Variants in WDR13 observed in about 807,000 individuals in gnomAD.
WDR13 encodes the protein WD repeat-containing protein 13.
Under a neutral mutation model 28.6 loss-of-function variants are expected in WDR13, and 1 was observed. The ratio of observed to expected loss-of-function variants is 0.03; its 90% confidence interval spans 0.01 to 0.17. The LOEUF (loss-of-function observed/expected upper bound fraction) is 0.17, where lower values mean the gene tolerates loss of function less well. Among genes scored for constraint, WDR13 ranks in the 10% least tolerant of loss-of-function variants. WDR13 has a pLI of 1.00. For missense variants in WDR13, 264 were observed against 469.3 expected (o/e 0.56, Z 4.04); for synonymous variants, 201 against 185.9 (o/e 1.08, Z -0.66).
In WDR13 at chrX:48,608,809, A is replaced by T. The variant is rs1281812223; in HGVS notation, c.*3777A>T. On this transcript the variant is annotated 3_prime_UTR_variant, in exon 10 of 10. Coordinates refer to ENST00000376729, the MANE Select transcript of WDR13 (RefSeq NM_001347217.2). Reference sequence around the variant, plus strand: ...ACTCATCTTGGTGGCACTTTTCTTGACTCACCACCTAAGGGGGAATAAATA... The same window carrying T: ...ACTCATCTTGGTGGCACTTTTCTTGTCTCACCACCTAAGGGGGAATAAATA... 4 of 110,686 alleles carry T rather than the reference A, an allele frequency of 3.6e-5. No homozygotes were observed. Among genetic ancestry groups the T allele is most frequent in the African/African-American group, 1.3e-4 (4 of 30,363 alleles). 9.1% of individuals were successfully genotyped at this position (110,686 alleles called of 1,213,427 possible). A position where few individuals can be genotyped will look rare whatever the true frequency, so the allele number is the denominator to read the frequency against.
chrX:48,607,880 T>C lies in WDR13; in HGVS notation c.*2848T>C, dbSNP rs2062230883. 9.3e-6 allele frequency: 1 copy of C among 107,851 alleles called. No homozygotes were observed. Among genetic ancestry groups the C allele is most frequent in the East Asian group, 3.0e-4 (1 of 3,369 alleles). The allele number at this position is 107,851 out of a possible 1,213,427, so 8.9% of individuals were successfully genotyped here. On this transcript the variant is annotated 3_prime_UTR_variant, in exon 10 of 10. Transcript: ENST00000376729. ...GCCTCCTGGGTTCAAGCAATTCTCC[T>C]GCCTCAGCTTCCTGAATAGCTGGGA... is the stretch of plus-strand genomic sequence containing the variant.
Position 48,604,895 on chromosome X carries a change from G to T in WDR13, c.1321G>T (p.Ala441Ser). Residue 441 changes from alanine (A) to serine (S), a missense_variant, in exon 10 of 10, where the codon GCG becomes TCG. Coordinates refer to ENST00000376729, the MANE Select transcript of WDR13 (RefSeq NM_001347217.2). ...MCVHFFDVER[A>S]AKAAVNKLQG... ...CGTGCACTTCTTTGATGTGGAGCGG[G>T]CGGCCAAGGCTGCTGTCAACAAGCT... The T allele has an allele frequency of 8.3e-7, 1 of 1,211,567 alleles. No homozygotes were observed. Among genetic ancestry groups the T allele is most frequent in the Non-Finnish European group, 1.1e-6 (1 of 895,177 alleles).
chrX:48,599,064 C>A, intron 3 of WDR13, 107 bp downstream of exon 3: 1 of 1,064,808 alleles, frequency 9.4e-7, no homozygotes, highest in Non-Finnish European at 1.2e-6. Context: ...TCTGCATCAG[C>A]AGAGGACAAA....
At position 48,599,451 on chromosome X, in the gene WDR13, C is replaced by T. The variant is rs782334744; in HGVS notation, c.381C>T (p.Val127=). 1 of 1,208,914 alleles carries T rather than the reference C, an allele frequency of 8.3e-7. No individual in the cohort carries two copies. Among genetic ancestry groups the T allele is most frequent in the African/African-American group, 1.7e-5 (1 of 57,575 alleles). The stretch of plus-strand genomic sequence containing the variant: ...TGCAGGCGCAGATGAACCGTGCCGT[C>T]TATGAGGACAGGTATGCACCAGAGG... ...YQLQAQMNRA[V]YEDRPPGSVV... Residue 127 remains valine (V), a synonymous_variant, in exon 4 of 10, where the codon GTC becomes GTT. Coordinates refer to ENST00000376729, the MANE Select transcript of WDR13 (RefSeq NM_001347217.2).
Position 48,607,894 on chromosome X carries a change from G to C in WDR13, c.*2862G>C, listed in dbSNP as rs1041163342. ...AGCAATTCTCCTGCCTCAGCTTCCT[G>C]AATAGCTGGGACTACAGGCGCCTGC... On this transcript the variant is annotated 3_prime_UTR_variant, in exon 10 of 10. Coordinates refer to ENST00000376729, the MANE Select transcript of WDR13 (RefSeq NM_001347217.2). 2 of 107,344 alleles carry C rather than the reference G, an allele frequency of 1.9e-5. No homozygotes were observed. The highest frequency in any genetic ancestry group is 6.8e-5 in the African/African-American group (2 of 29,272). The allele number at this position is 107,344 out of a possible 1,213,427, so 8.8% of individuals were successfully genotyped here.
intron 8 of WDR13, among the ~76,000 whole-genome samples, chrX:48,602,810 C>G (rs1419294360): frequency 1.8e-5 from 2 of 109,953 alleles, no homozygotes; most frequent in Admixed American, 2.0e-4. Context: ...CTTTATTTCT[C>G]TCCTCCTTTT....
intron 8 of WDR13, among the ~76,000 whole-genome samples, chrX:48,602,864 C>T (rs932979491): frequency 2.7e-5 from 3 of 110,851 alleles, no homozygotes; most frequent in African/African-American, 9.8e-5. Flanking sequence ...TTAATTTAAG[C>T]GTACCCTTAA....
chrX:48,599,421 C>T lies in WDR13; in HGVS notation c.351C>T (p.Tyr117=). ...GTCGTTCTGTCAGCAGAGGCTCCTA[C>T]CAGCTGCAGGCGCAGATGAACCGTG... is the stretch of plus-strand genomic sequence containing the variant. The part of the protein sequence containing the change: ...GHRRSVSRGS[Y]QLQAQMNRAV... The change falls in exon 4 of 10, where the codon TAC becomes TAT. Residue 117 remains tyrosine, a synonymous_variant. Coordinates refer to ENST00000376729, the MANE Select transcript of WDR13 (RefSeq NM_001347217.2). The T allele has an allele frequency of 1.7e-6, 2 of 1,210,879 alleles. No individual in the cohort carries two copies. Among genetic ancestry groups the T allele is most frequent in the Admixed American group, 2.2e-5 (1 of 45,911 alleles).
chrX:48,600,290 T>G (rs1556993983), intron 5 of WDR13, 29 bp from the exon 6 acceptor site: 1 of 1,166,841 alleles, frequency 8.6e-7, no homozygotes, highest in Non-Finnish European at 1.1e-6. Flanking sequence ...AGTGTGCAGA[T>G]TCCCACTAAT....
intron 3 of WDR13, 129 bp downstream of exon 3, chrX:48,599,086 C>T (rs782002343): frequency 2.1e-6 from 2 of 969,513 alleles, no homozygotes; most frequent in East Asian, 6.7e-5. Flanking sequence ...AGATAATATG[C>T]CAAGTAAACC....
intron 1 of WDR13, 47 bp downstream of exon 1, chrX:48,597,661 C>T (rs2062151684): frequency 8.1e-6 from 2 of 246,898 alleles, no homozygotes; most frequent in African/African-American, 2.9e-5. Context: ...GAAGGGAAGG[C>T]GGAGGGCGGC....
chrX:48,603,358 C>T (rs1182604239), intron 8 of WDR13, among the ~76,000 whole-genome samples: 1 of 111,375 alleles, frequency 9.0e-6, no homozygotes, highest in Non-Finnish European at 1.9e-5. Context: ...AAAGAAATGG[C>T]CTTTTCCGGC....
rs1457962708 is a variant in WDR13 at position 48,600,225 on chromosome X, G to GGCCCCA, written c.524-86_524-81dup. ...GAGGCCACTGTTCCTCATGCAGTGGGGCCCCAGCCCCAGGCACACACGTCA... is the reference window on the plus strand; with the variant it reads ...GAGGCCACTGTTCCTCATGCAGTGGGGCCCCAGCCCCAGCCCCAGGCACACACGTCA... On this transcript the variant is annotated intron_variant, in intron 5 of 9. Transcript: ENST00000376729. The GGCCCCA allele has an allele frequency of 3.6e-5, 37 of 1,037,032 alleles. No homozygotes were observed. In the Admixed American group the frequency reaches 1.1e-3, roughly 30 times the overall value. The allele number at this position is 1,037,032 out of a possible 1,213,427, so 85.5% of individuals were successfully genotyped here. A position where few individuals can be genotyped will look rare whatever the true frequency, so the allele number is the denominator to read the frequency against.
intron 3 of WDR13, 196 bp downstream of exon 3, chrX:48,599,153 A>T: frequency 1.4e-6 from 1 of 714,467 alleles, no homozygotes; most frequent in Non-Finnish European, 2.0e-6. Flanking sequence ...CCCTGTCTTT[A>T]GTATCTGCTG....
rs782682727 is a variant in WDR13 at position 48,600,355 on chromosome X, G to A, written c.560G>A (p.Arg187His). 9.1e-6 allele frequency: 11 copies of A among 1,204,904 alleles called. No homozygotes were observed. Among genetic ancestry groups the A allele is most frequent in the South Asian group, 1.8e-5 (1 of 56,622 alleles). Reference sequence around the variant, plus strand: ...CGCTTCGCCAATGATGACCGACACCGCCTGGCCTGCTGCTCACTCGACGGC... The same window carrying A: ...CGCTTCGCCAATGATGACCGACACCACCTGGCCTGCTGCTCACTCGACGGC... ...RVRFANDDRH[R>H]LACCSLDGSI... The change falls in exon 6 of 10, where the codon CGC (arginine) becomes CAC (histidine). Residue 187 changes from arginine (R) to histidine (H), a missense_variant. This residue lies in a region of WDR13 where 157 missense variants were observed against 270.2 expected (regional missense o/e 0.58). Coordinates refer to ENST00000376729, the MANE Select transcript of WDR13 (RefSeq NM_001347217.2).
intron 9 of WDR13, among the ~76,000 whole-genome samples, 194 bp downstream of exon 9, chrX:48,604,584 C>T (rs2272656): frequency 0.3 from 33,225 of 111,907 alleles, 3,780 homozygotes; most frequent in East Asian, 0.44. Context: ...CACTTGATCT[C>T]GGCCAAAAGG....
intron 2 of WDR13, 68 bp from the exon 3 acceptor site, chrX:48,598,649 C>T (rs1285266129): frequency 3.8e-6 from 3 of 790,127 alleles, no homozygotes; most frequent in Non-Finnish European, 4.8e-6. Context: ...CTGCCGTACC[C>T]CCCCCCCCGA....
At chrX:48,602,553 C>T (rs1321664151) in intron 8 of WDR13, among the ~76,000 whole-genome samples, 89 of 56,286 alleles carry the variant, frequency 1.6e-3, no homozygotes, top group Middle Eastern at 0.015. Flanking sequence ...TTTTTTTTTG[C>T]GGGGAGTAGT....
At chrX:48,598,449 C>T (rs781892045) in intron 2 of WDR13, 3 of 1,024,844 alleles carry the variant, frequency 2.9e-6, no homozygotes, top group Admixed American at 4.8e-5. Flanking sequence ...TTATTGTCTG[C>T]GCTGACCCAG....
Sources: gnomAD v4.1 joint callset for allele counts (sites outside exome capture counted in the v4.1 genomes callset) on GRCh38, gnomAD v4.1.1 for gene constraint, gnomAD v4.1.1 regional missense constraint, MANE v1.5 for transcripts, NCBI Gene and HGNC (gene_info 2026-07-23, HGNC 2026-07-21) for gene names.